Variants in DNAH17 observed in about 807,000 individuals in gnomAD.
The protein encoded by DNAH17 is dynein axonemal heavy chain 17.
In DNAH17, 376 loss-of-function variants were observed where a neutral mutation model predicts 485.6. That is an observed-to-expected ratio of 0.77 (90% CI 0.71 to 0.84). The LOEUF is 0.84. Among genes scored for constraint, DNAH17 ranks in the 40% least tolerant of loss-of-function variants. The probability of loss-of-function intolerance (pLI) is 0.00; values close to 1 mark genes in which losing one functional copy is unlikely to be tolerated. For synonymous variants in DNAH17, 3,031 were observed against 2,405.9 expected, an observed-to-expected ratio of 1.26 and a Z score of -7.60; for missense variants, 6,370 against 5,839.3, an observed-to-expected ratio of 1.09 and a Z score of -2.96.
chr17:78,543,294 T>G (rs2091654224), intron 17 of DNAH17, among the ~76,000 whole-genome samples: 1 of 151,360 alleles, frequency 6.6e-6, no homozygotes, highest in Non-Finnish European at 1.5e-5. Context: ...TTTGTTTTTT[T>G]TTTTTTTGAG....
intron 54 of DNAH17, among the ~76,000 whole-genome samples, chr17:78,473,961 A>G (rs9897751): frequency 0.17 from 25,758 of 152,172 alleles, 2,522 homozygotes; most frequent in African/African-American, 0.26. Context: ...GGCTGTGTTC[A>G]GGAGTGCCCA....
Position 78,491,581 on chromosome 17 carries a change from C to A in DNAH17, c.6542-11G>T. ...TGGTGGAGAACAGGCCTGGGGGAGG[C>A]GCGTGGTATGACCCCGGGCCCTTCA... On this transcript the variant is annotated splice_polypyrimidine_tract_variant and intron_variant, in intron 42 of 80. Coordinates refer to ENST00000389840, the MANE Select transcript of DNAH17 (RefSeq NM_173628.4). 6.2e-7 allele frequency: 1 copy of A among 1,613,138 alleles called. No homozygotes were observed. The highest frequency in any genetic ancestry group is 2.2e-5 in the East Asian group (1 of 44,868).
intron 63 of DNAH17, 106 bp from the exon 64 acceptor site, chr17:78,454,811 AC>A: frequency 1.0e-6 from 1 of 957,574 alleles, no homozygotes; most frequent in Non-Finnish European, 1.5e-6. Flanking sequence ...TTAGGGGTGG[AC>A]CAGCAGGACG....
chr17:78,431,456 C>CCG (rs2086670181), intron 75 of DNAH17, among the ~76,000 whole-genome samples: 1 of 151,404 alleles, frequency 6.6e-6, no homozygotes, highest in Non-Finnish European at 1.5e-5. Flanking sequence ...GAACCCCCCA[C>CCG]CCCGAGACTC....
At chr17:78,545,432 G>C (rs190984643) in intron 16 of DNAH17, among the ~76,000 whole-genome samples, 1 of 152,132 alleles carries the variant, frequency 6.6e-6, no homozygotes. Context: ...TCAAGGTGCC[G>C]GCATGTTTGG....
chr17:78,486,169 T>TA (rs769117924), intron 45 of DNAH17, 36 bp from the exon 46 acceptor site: 57 of 1,604,048 alleles, frequency 3.6e-5, no homozygotes, highest in South Asian at 1.7e-4. Flanking sequence ...AGGGCCCAGC[T>TA]AAGCAGGATG....
Position 78,534,779 on chromosome 17 carries a change from G to A in DNAH17, c.2860-2043C>T, listed in dbSNP as rs146653951. On this transcript the variant is annotated intron_variant, in intron 19 of 80. Coordinates refer to ENST00000389840, the MANE Select transcript of DNAH17 (RefSeq NM_173628.4). Reference sequence around the variant, plus strand: ...CCTGGGGTCTCTGCCCCTTGCTGGTGTCCCCTGTGGGCAGCTCAGCTCTCT... The same window carrying A: ...CCTGGGGTCTCTGCCCCTTGCTGGTATCCCCTGTGGGCAGCTCAGCTCTCT... Among the ~76,000 whole-genome samples the A allele has an allele frequency of 7.9e-3, 1,196 of 152,252 alleles. 17 individuals carry two copies. The highest frequency in any genetic ancestry group is 0.041 in the Middle Eastern group (12 of 294).
chr17:78,465,765 G>A (rs1398299459), intron 56 of DNAH17, among the ~76,000 whole-genome samples: 3 of 139,752 alleles, frequency 2.1e-5, no homozygotes, highest in South Asian at 2.1e-4. Context: ...AGGTGGGGGC[G>A]GTCAGCCCCC....
chr17:78,538,743 G>A (rs1296074207), intron 18 of DNAH17, among the ~76,000 whole-genome samples: 8 of 152,090 alleles, frequency 5.3e-5, no homozygotes, highest in East Asian at 1.9e-4. Flanking sequence ...GAGTACTTTC[G>A]TCAACTGAAT....
At chr17:78,498,901 G>T (rs1168301704) in intron 37 of DNAH17, 107 bp downstream of exon 37, 2 of 835,320 alleles carry the variant, frequency 2.4e-6, no homozygotes, top group Non-Finnish European at 3.6e-6. Context: ...TCGGTGCTTG[G>T]AACGTTGCAG....
At chr17:78,485,470 C>G (rs1162173817) in intron 47 of DNAH17, 80 bp downstream of exon 47, 1 of 1,373,596 alleles carries the variant, frequency 7.3e-7, no homozygotes, top group Non-Finnish European at 9.9e-7. Flanking sequence ...GTGCCTGGGC[C>G]TGCAGTGAGA....
Position 78,567,116 on chromosome 17 carries a change from A to G in DNAH17, c.1335T>C (p.Leu445=), listed in dbSNP as rs1265410277. 5 of 1,611,188 alleles carry G rather than the reference A, an allele frequency of 3.1e-6. No homozygotes were observed. The highest frequency in any genetic ancestry group is 2.2e-5 in the East Asian group (1 of 44,850). Residue 445 remains leucine (L), a synonymous_variant, in exon 10 of 81, where the codon CTT becomes CTC. Coordinates refer to ENST00000389840, the MANE Select transcript of DNAH17 (RefSeq NM_173628.4). ...IEFLKLEKIE[L]GGVRGNLLGS... ...CGAGGAGGTTCCCACGCACGCCCCC[A>G]AGCTCGATTTTCTCCAGCTTCAGAA...
At position 78,566,630 on chromosome 17, in the gene DNAH17, A is replaced by T; in HGVS notation, c.1553T>A (p.Ile518Asn). ...CATGCTTACCTTTGCGGAGGACTTG[A>T]TACAGCTGCAGTCATCAAATCCTTG... Reference protein sequence around the residue: ...FCQGFDDCSCIKSSAKLLYMC... With the variant: ...FCQGFDDCSCNKSSAKLLYMC... The change falls in exon 11 of 81, where the codon ATC becomes AAC. Residue 518 changes from isoleucine (I) to asparagine (N), a missense_variant. Transcript: ENST00000389840. 1 of 1,607,878 alleles carries T rather than the reference A, an allele frequency of 6.2e-7. No homozygotes were observed.
intron 35 of DNAH17, 192 bp from the exon 36 acceptor site, chr17:78,500,653 C>T (rs1046467067): frequency 1.3e-5 from 6 of 449,390 alleles, no homozygotes; most frequent in Middle Eastern, 6.1e-4. Context: ...GGACTATAGG[C>T]GCCCGCCACC....
chr17:78,470,518 A>G (rs571664224), intron 54 of DNAH17, among the ~76,000 whole-genome samples: 2 of 152,070 alleles, frequency 1.3e-5, no homozygotes, highest in African/African-American at 2.4e-5. Flanking sequence ...GTGAAACCCC[A>G]TCTCTACAAA....
rs575878234 is a variant in DNAH17 at position 78,434,625 on chromosome 17, CAGGATGGGGGATGGGATAG to C, written c.12034-424_12034-406del. On this transcript the variant is annotated intron_variant, in intron 74 of 80. Coordinates refer to ENST00000389840, the MANE Select transcript of DNAH17 (RefSeq NM_173628.4). ...CTAAAAACAACTGGTAAAGTTCCAT[CAGGATGGGGGATGGGATAG>C]AGGATGGGGGATGGGATAGAGGATG... Among the ~76,000 whole-genome samples, 744 of 149,626 alleles carry C rather than the reference CAGGATGGGGGATGGGATAG, an allele frequency of 5.0e-3. 16 individuals carry two copies. The highest frequency in any genetic ancestry group is 0.025 in the East Asian group (129 of 5,070).
At chr17:78,571,478 G>A in intron 4 of DNAH17, 100 bp from the exon 5 acceptor site, 1 of 1,481,718 alleles carries the variant, frequency 6.7e-7, no homozygotes, top group East Asian at 2.3e-5. Context: ...AATTTACGCA[G>A]GTCATCAGAG....
rs1210636772 is a variant in DNAH17, at chr17:78,428,631, A to G, written c.12482T>C (p.Ile4161Thr). ...YLYGLHPNAE[I>T]GFLTVTSEKL... ...CTCTGAGGTGACCGTCAGAAAGCCA[A>G]TCTCTGCGTTGGGGTGCAGGCCATA... Residue 4161 changes from isoleucine (I) to threonine (T), a missense_variant, in exon 77 of 81, where the codon ATT becomes ACT. Ile to Thr is a moderately conservative substitution (Grantham distance 89). Transcript: ENST00000389840. The G allele has an allele frequency of 1.5e-5, 25 of 1,613,856 alleles. No individual in the cohort carries two copies. The highest frequency in any genetic ancestry group is 3.3e-5 in the Admixed American group (2 of 59,992).
Position 78,476,603 on chromosome 17 carries a change from A to T in DNAH17, c.8123T>A (p.Val2708Asp), listed in dbSNP as rs184681975. ...DEKDQETLHR[V>D]TMASTKKFFD... ...GAACTTCTTGGTGGAGGCCATGGTG[A>T]CTCTATGCAATGTTTCCTGGTCTTT... Residue 2708 changes from valine to aspartate, a missense_variant, in exon 52 of 81, where the codon GTC becomes GAC. Val to Asp is a radical substitution (Grantham distance 152, BLOSUM62 -3). Coordinates refer to ENST00000389840, the MANE Select transcript of DNAH17 (RefSeq NM_173628.4). 6.2e-7 allele frequency: 1 copy of T among 1,610,592 alleles called. No individual in the cohort carries two copies. Among genetic ancestry groups the T allele is most frequent in the Non-Finnish European group, 8.5e-7 (1 of 1,178,572 alleles).
Sources: allele counts gnomAD v4.1 joint callset (sites outside exome capture counted in the v4.1 genomes callset), GRCh38; gene constraint gnomAD v4.1.1; transcripts MANE v1.5; gene names NCBI Gene and HGNC (gene_info 2026-07-23, HGNC 2026-07-21).